SYN2: variants seen among roughly 807,000 people sequenced by gnomAD.
SYN2 encodes synapsin II.
A neutral mutation model predicts 50.9 loss-of-function variants in SYN2; 19 were observed. The observed-to-expected ratio is 0.37, with a 90% CI of 0.26 to 0.55. The LOEUF (loss-of-function observed/expected upper bound fraction) is 0.55. Ranked by LOEUF, SYN2 falls within the 20% of genes least tolerant of loss-of-function variation. The pLI is 0.81. For missense variants in SYN2, 587 were observed against 576.4 expected (o/e 1.02, Z -0.19); for synonymous variants, 255 against 224.9 (o/e 1.13, Z -1.20).
intron 3 of SYN2, among the ~76,000 whole-genome samples, chr3:12,144,223 C>T (rs900862704): frequency 2.0e-5 from 3 of 152,210 alleles, no homozygotes; most frequent in Non-Finnish European, 4.4e-5. Flanking sequence ...GGAGCTTTCC[C>T]ATGCATGGGA....
At chr3:12,070,010 G>A (rs450278) in intron 1 of SYN2, among the ~76,000 whole-genome samples, 110,681 of 151,800 alleles carry the variant, frequency 0.73, 40,586 homozygotes, top group Admixed American at 0.8. Flanking sequence ...TGTTGCCCAG[G>A]TTGGTCTCGA....
chr3:12,062,810 A>G, intron 1 of SYN2, among the ~76,000 whole-genome samples: 1 of 152,092 alleles, frequency 6.6e-6, no homozygotes, highest in East Asian at 1.9e-4. Flanking sequence ...TTTATTCATA[A>G]TCAGCAAAAA....
intron 1 of SYN2, among the ~76,000 whole-genome samples, chr3:12,126,349 C>T (rs750539737): frequency 4.6e-5 from 7 of 152,196 alleles, no homozygotes; most frequent in Admixed American, 6.5e-5. Context: ...CTGTATTATA[C>T]GATAACTGCA....
chr3:12,112,442 A>G (rs1304118277), intron 1 of SYN2, among the ~76,000 whole-genome samples: 1 of 152,170 alleles, frequency 6.6e-6, no homozygotes, highest in Non-Finnish European at 1.5e-5. Context: ...CCCAGCTTAT[A>G]GCTGTGGAAG....
At chr3:12,024,438 A>G (rs1373611451) in intron 1 of SYN2, among the ~76,000 whole-genome samples, 5 of 151,884 alleles carry the variant, frequency 3.3e-5, no homozygotes, top group East Asian at 1.9e-4. Flanking sequence ...ACTTCTTTCA[A>G]TCTTGACTTC....
At chr3:12,100,106 G>A (rs1696040039) in intron 1 of SYN2, among the ~76,000 whole-genome samples, 1 of 151,972 alleles carries the variant, frequency 6.6e-6, no homozygotes, top group Non-Finnish European at 1.5e-5. Context: ...CATTGAACCT[G>A]TGCAGTTTTT....
At chr3:12,024,158 T>G (rs1694205010) in intron 1 of SYN2, among the ~76,000 whole-genome samples, 1 of 131,378 alleles carries the variant, frequency 7.6e-6, no homozygotes, top group African/African-American at 2.9e-5. Flanking sequence ...CCTTTTTTTT[T>G]TTTTTTTTTT....
intron 10 of SYN2, among the ~76,000 whole-genome samples, chr3:12,182,444 A>G (rs1698243228): frequency 6.6e-6 from 1 of 152,220 alleles, no homozygotes; most frequent in Non-Finnish European, 1.5e-5. Context: ...TACAAGCATT[A>G]GACAAACTAA....
At chr3:12,113,077 C>G (rs78984703) in intron 1 of SYN2, among the ~76,000 whole-genome samples, 1 of 152,108 alleles carries the variant, frequency 6.6e-6, no homozygotes, top group Non-Finnish European at 1.5e-5. Context: ...TTCTAGGCCC[C>G]GTGGTGGTCT....
Position 12,019,264 on chromosome 3 carries a change from A to C in SYN2, c.377+14336A>C, listed in dbSNP as rs146984660. On this transcript the variant is annotated intron_variant, in intron 1 of 12. Coordinates refer to ENST00000621198, the MANE Select transcript of SYN2 (RefSeq NM_133625.6). Reference sequence around the variant, plus strand: ...AAATCAGCAGGTTCTTGGGACATTTAAGGCAAATTGTTGTTGGCATCCCTA... The same window carrying C: ...AAATCAGCAGGTTCTTGGGACATTTCAGGCAAATTGTTGTTGGCATCCCTA... 1.6e-3 allele frequency among the ~76,000 whole-genome samples: 241 copies of C among 152,330 alleles called. 1 individual carries two copies. Among genetic ancestry groups the C allele is most frequent in the African/African-American group, 5.3e-3 (220 of 41,582 alleles).
intron 1 of SYN2, among the ~76,000 whole-genome samples, chr3:12,130,635 T>C (rs2125209002): frequency 6.6e-6 from 1 of 152,278 alleles, no homozygotes; most frequent in South Asian, 2.1e-4. Context: ...TTTAAACAAA[T>C]ATCTGGGCAC....
intron 8 of SYN2, 22 bp downstream of exon 8, chr3:12,167,330 A>G (rs965198723): frequency 1.2e-6 from 2 of 1,604,614 alleles, no homozygotes; most frequent in Non-Finnish European, 1.7e-6. Flanking sequence ...GAAGGAGTCC[A>G]GTTTCCAGCC....
intron 1 of SYN2, among the ~76,000 whole-genome samples, chr3:12,047,467 C>A (rs1432088931): frequency 6.6e-6 from 1 of 152,168 alleles, no homozygotes; most frequent in East Asian, 1.9e-4. Context: ...TTTGACCAGA[C>A]AAACTCATGA....
chr3:12,136,457 G>C (rs961540284), intron 1 of SYN2, among the ~76,000 whole-genome samples: 4 of 152,180 alleles, frequency 2.6e-5, no homozygotes, highest in African/African-American at 4.8e-5. Flanking sequence ...CAGCTGAAAA[G>C]TGGTAGAAGT....
chr3:12,153,642 A>T, intron 5 of SYN2: 1 of 1,614,200 alleles, frequency 6.2e-7, no homozygotes, highest in Non-Finnish European at 8.5e-7. Flanking sequence ...CTTTCGTTCC[A>T]ACAGCCAGTC....
At chr3:12,126,056 A>G (rs2125205860) in intron 1 of SYN2, among the ~76,000 whole-genome samples, 1 of 152,332 alleles carries the variant, frequency 6.6e-6, no homozygotes, top group Middle Eastern at 3.4e-3. Flanking sequence ...TTGTTTACAC[A>G]TAAGGGGAAA....
intron 1 of SYN2, among the ~76,000 whole-genome samples, chr3:12,089,549 C>T (rs554164916): frequency 6.6e-6 from 1 of 152,268 alleles, no homozygotes; most frequent in Non-Finnish European, 1.5e-5. Context: ...GCAGCATGTG[C>T]CTGTAGTCCT....
intron 7 of SYN2, among the ~76,000 whole-genome samples, chr3:12,166,952 G>T (rs1697813280): frequency 6.6e-6 from 1 of 152,232 alleles, no homozygotes; most frequent in Non-Finnish European, 1.5e-5. Flanking sequence ...AAGTCCTGTA[G>T]AAGTTCTAAG....
chr3:12,009,007 C>G (rs1265667916), intron 1 of SYN2, among the ~76,000 whole-genome samples: 2 of 150,416 alleles, frequency 1.3e-5, no homozygotes, highest in Non-Finnish European at 2.9e-5. Context: ...CTGCAGTCTG[C>G]TTGAACCAGT....
Sources: allele counts gnomAD v4.1 joint callset (sites outside exome capture counted in the v4.1 genomes callset), GRCh38; gene constraint gnomAD v4.1.1; transcripts MANE v1.5; gene names NCBI Gene and HGNC (gene_info 2026-07-23, HGNC 2026-07-21).